PDZRN3: variants seen among roughly 807,000 people sequenced by gnomAD.
PDZRN3 encodes the protein PDZ domain containing ring finger 3, also known as E3 ubiquitin-protein ligase PDZRN3.
PDZRN3 carries 38 observed loss-of-function variants against 85.7 expected under a neutral mutation model. The ratio of observed to expected loss-of-function variants is 0.44; its 90% CI spans 0.34 to 0.58. PDZRN3 has a LOEUF of 0.58. Among genes scored for constraint, PDZRN3 ranks in the 20% least tolerant of loss-of-function variants. PDZRN3 has a pLI of 0.01. For missense variants in PDZRN3, 1,629 were observed against 1,506.4 expected (o/e 1.08, Z -1.35); for synonymous variants, 759 against 638.0 (o/e 1.19, Z -2.86).
intron 3 of PDZRN3, among the ~76,000 whole-genome samples, chr3:73,451,903 G>T (rs1702869839): frequency 6.6e-6 from 1 of 152,194 alleles, no homozygotes; most frequent in South Asian, 2.1e-4. Flanking sequence ...AGATGACTGT[G>T]CTCAGGGTGT....
At chr3:73,440,402 G>C (rs1176179664) in intron 3 of PDZRN3, among the ~76,000 whole-genome samples, 1 of 152,174 alleles carries the variant, frequency 6.6e-6, no homozygotes, top group Non-Finnish European at 1.5e-5. Flanking sequence ...CACAGGAACT[G>C]AGAATGGGGA....
rs569721531 is a variant in PDZRN3 at position 73,543,405 on chromosome 3, T to C, written c.918+58949A>G. ...TGAGAGGTGAGGGGGTTCCCTCTTC[T>C]ACAAATGAGGCAAAATTGAGTCTTA... On this transcript the variant is annotated intron_variant, in intron 3 of 9. Transcript: ENST00000263666. 2.0e-5 allele frequency among the ~76,000 whole-genome samples: 3 copies of C among 152,368 alleles called. No individual in the cohort carries two copies. In the East Asian group the frequency reaches 5.8e-4, roughly 29 times the overall value.
At chr3:73,386,926 T>C (rs1701406918) in intron 8 of PDZRN3, among the ~76,000 whole-genome samples, 2 of 152,200 alleles carry the variant, frequency 1.3e-5, no homozygotes, top group Admixed American at 6.5e-5. Flanking sequence ...CACCTTGAAT[T>C]GTAGCTCCCA....
rs111888242 is a variant in PDZRN3 at position 73,609,007 on chromosome 3, C to T, written c.724-323G>A. ...TGCATCTTTCTTTTGACCGGCCCAT[C>T]GTACGCAGGCTGTCTAGACGGCTAC... On this transcript the variant is annotated intron_variant, in intron 1 of 9. Coordinates refer to ENST00000263666, the MANE Select transcript of PDZRN3 (RefSeq NM_015009.3). Among the ~76,000 whole-genome samples, 1,279 of 152,278 alleles carry T rather than the reference C, an allele frequency of 8.4e-3. 16 individuals carry two copies. Among genetic ancestry groups the T allele is most frequent in the African/African-American group, 0.029 (1,204 of 41,552 alleles).
intron 7 of PDZRN3, 119 bp downstream of exon 7, chr3:73,389,697 C>T (rs1485119505): frequency 2.8e-5 from 21 of 743,734 alleles, no homozygotes; most frequent in African/African-American, 6.9e-5. Context: ...TACACATCTG[C>T]GTTTGTGATC....
rs146572160 is a variant in PDZRN3 at position 73,555,095 on chromosome 3, A to G, written c.918+47259T>C. Among the ~76,000 whole-genome samples the G allele has an allele frequency of 3.4e-3, 523 of 152,242 alleles. 3 individuals are homozygous for G. Among genetic ancestry groups the G allele is most frequent in the Middle Eastern group, 0.024 (7 of 294 alleles). On this transcript the variant is annotated intron_variant, in intron 3 of 9. Coordinates refer to ENST00000263666, the MANE Select transcript of PDZRN3 (RefSeq NM_015009.3). The stretch of plus-strand genomic sequence containing the variant: ...TGTCCGTTTTTGCTTTTCAGAGGCA[A>G]TTAGGGGATTTATAGCCAATGTGTT...
Position 73,384,110 on chromosome 3 carries a change from G to A in PDZRN3, c.2456C>T (p.Thr819Ile). 6.2e-7 allele frequency: 1 copy of A among 1,614,034 alleles called. No homozygotes were observed. Among genetic ancestry groups the A allele is most frequent in the Non-Finnish European group, 8.5e-7 (1 of 1,180,016 alleles). ...CTTCAGGGACGGGCTATAGGTAGGG[G>A]TGCCCACTTCGGGATCTTCCGTGAT... Reference protein sequence around the residue: ...LSITEDPEVGTPTYSPSLKEL... With the variant: ...LSITEDPEVGIPTYSPSLKEL... The change falls in exon 10 of 10, where the codon ACC (threonine) becomes ATC (isoleucine). Residue 819 changes from threonine to isoleucine, a missense_variant. Coordinates refer to ENST00000263666, the MANE Select transcript of PDZRN3 (RefSeq NM_015009.3).
chr3:73,543,296 A>G (rs1701329502), intron 3 of PDZRN3, among the ~76,000 whole-genome samples: 1 of 152,262 alleles, frequency 6.6e-6, no homozygotes, highest in Non-Finnish European at 1.5e-5. Flanking sequence ...AGAGCACAGC[A>G]GAACTGCCTT....
chr3:73,504,210 G>T (rs1704032233), intron 3 of PDZRN3, among the ~76,000 whole-genome samples: 3 of 152,312 alleles, frequency 2.0e-5, no homozygotes, highest in South Asian at 2.1e-4. Flanking sequence ...CACAGGAATA[G>T]ACTTAGTTAG....
chr3:73,498,228 T>A (rs1247868305), intron 3 of PDZRN3, among the ~76,000 whole-genome samples: 1 of 152,182 alleles, frequency 6.6e-6, no homozygotes, highest in Non-Finnish European at 1.5e-5. Context: ...TCCTCCTGAC[T>A]TGAGTTTCTA....
rs765290379 is a variant in PDZRN3, at chr3:73,388,044, C to T, written c.1442G>A (p.Arg481His). 2.6e-4 allele frequency: 339 copies of T among 1,328,354 alleles called. No homozygotes were observed. Among genetic ancestry groups the T allele is most frequent in the Admixed American group, 4.8e-4 (25 of 52,312 alleles). The allele number at this position is 1,328,354 out of a possible 1,614,324, so 82.3% of individuals were successfully genotyped here. Residue 481 changes from arginine (R) to histidine (H), a missense_variant, in exon 8 of 10, where the codon CGT (arginine) becomes CAT (histidine). Coordinates refer to ENST00000263666, the MANE Select transcript of PDZRN3 (RefSeq NM_015009.3). ...GGTTAGAAGAGCCACAGCCTCTTCA[C>T]GGTTCTGCACCTCTATCCCATTAAT... ...IQINGIEVQN[R>H]EEAVALLTSE...
intron 1 of PDZRN3, among the ~76,000 whole-genome samples, chr3:73,611,165 C>T (rs534133250): frequency 6.6e-6 from 1 of 152,278 alleles, no homozygotes; most frequent in East Asian, 1.9e-4. Flanking sequence ...ATCTTAGGTC[C>T]TGTTCAAGAT....
chr3:73,466,321 A>G (rs1703212821), intron 3 of PDZRN3, among the ~76,000 whole-genome samples: 1 of 139,078 alleles, frequency 7.2e-6, no homozygotes, highest in Non-Finnish European at 1.5e-5. Context: ...AAAGAGTGAT[A>G]GAAAAAAAAA....
chr3:73,432,597 C>A (rs972808313), intron 3 of PDZRN3, among the ~76,000 whole-genome samples: 1 of 152,118 alleles, frequency 6.6e-6, no homozygotes, highest in Admixed American at 6.6e-5. Flanking sequence ...CCTTTTGCCG[C>A]GTCTCCCTGT....
chr3:73,407,226 G>C (rs902860661), intron 3 of PDZRN3, among the ~76,000 whole-genome samples: 4 of 152,196 alleles, frequency 2.6e-5, no homozygotes, highest in African/African-American at 9.7e-5. Context: ...AGATAGGAAA[G>C]GGCCATTTTT....
intron 4 of PDZRN3, among the ~76,000 whole-genome samples, chr3:73,402,950 T>G (rs1701782005): frequency 6.8e-6 from 1 of 147,834 alleles, no homozygotes; most frequent in Non-Finnish European, 1.5e-5. Context: ...GCTTTTTTTT[T>G]TTTTTTTTTT....
At chr3:73,580,626 C>T (rs1441835183) in intron 3 of PDZRN3, among the ~76,000 whole-genome samples, 2 of 152,190 alleles carry the variant, frequency 1.3e-5, no homozygotes, top group East Asian at 3.9e-4. Flanking sequence ...GCTGCACTGG[C>T]CTCCATCCAA....
intron 3 of PDZRN3, among the ~76,000 whole-genome samples, chr3:73,548,072 G>C (rs1373215251): frequency 6.6e-6 from 1 of 152,170 alleles, no homozygotes; most frequent in Non-Finnish European, 1.5e-5. Flanking sequence ...TGGGCTCTGT[G>C]AAAATGTTAA....
At chr3:73,387,852 C>T (rs1027391610) in intron 8 of PDZRN3, 116 bp downstream of exon 8, 7 of 608,656 alleles carry the variant, frequency 1.2e-5, no homozygotes, top group African/African-American at 1.8e-5. Flanking sequence ...ATTACATTTC[C>T]AGGGAACAAA....
Sources: gnomAD v4.1 joint callset for allele counts (sites outside exome capture counted in the v4.1 genomes callset) on GRCh38, gnomAD v4.1.1 for gene constraint, MANE v1.5 for transcripts, NCBI Gene and HGNC (gene_info 2026-07-23, HGNC 2026-07-21) for gene names.